STXBP5L: variants seen among roughly 807,000 people sequenced by gnomAD.
STXBP5L encodes syntaxin binding protein 5L.
In STXBP5L, 65 loss-of-function variants were observed where a neutral mutation model predicts 144.5. That is an observed-to-expected ratio of 0.45 (90% CI 0.37 to 0.55). The LOEUF (loss-of-function observed/expected upper bound fraction) is 0.55. STXBP5L is among the 20% of genes least tolerant of loss of function. The pLI is 0.00. For synonymous variants in STXBP5L, 505 were observed against 469.6 expected (o/e 1.08, Z -0.97); for missense variants, 1,298 against 1,405.5 (o/e 0.92, Z 1.22).
intron 19 of STXBP5L, among the ~76,000 whole-genome samples, chr3:121,290,594 G>T (rs1402303567): frequency 2.6e-5 from 4 of 151,926 alleles, no homozygotes; most frequent in African/African-American, 9.7e-5. Flanking sequence ...ACCAAGAAGG[G>T]ACATAACAAA....
At chr3:120,981,853 C>T (rs983657495) in intron 3 of STXBP5L, among the ~76,000 whole-genome samples, 5 of 152,120 alleles carry the variant, frequency 3.3e-5, no homozygotes, top group South Asian at 2.1e-4. Context: ...TGTTTTTCCT[C>T]CTTGAAGGTA....
intron 9 of STXBP5L, among the ~76,000 whole-genome samples, chr3:121,177,864 G>A (rs951114820): frequency 6.6e-6 from 1 of 152,182 alleles, no homozygotes; most frequent in African/African-American, 2.4e-5. Flanking sequence ...GCCAAAAGAA[G>A]CAAGCAACTG....
At chr3:121,315,471 T>C (rs1247759124) in intron 19 of STXBP5L, among the ~76,000 whole-genome samples, 3 of 115,254 alleles carry the variant, frequency 2.6e-5, no homozygotes, top group Non-Finnish European at 3.4e-5. Flanking sequence ...AACATCACAC[T>C]CTGGGGACTG....
intron 3 of STXBP5L, among the ~76,000 whole-genome samples, chr3:120,986,430 C>T (rs1323865740): frequency 6.6e-6 from 1 of 151,822 alleles, no homozygotes; most frequent in Non-Finnish European, 1.5e-5. Context: ...TATATTCTAT[C>T]TGGTTGTTTT....
chr3:121,065,563 T>A (rs543055171), intron 5 of STXBP5L, among the ~76,000 whole-genome samples: 1 of 152,212 alleles, frequency 6.6e-6, no homozygotes, highest in African/African-American at 2.4e-5. Flanking sequence ...TTAGTTGAGT[T>A]TACAAAAAGT....
At chr3:121,128,480 G>A (rs1448846952) in intron 7 of STXBP5L, among the ~76,000 whole-genome samples, 5 of 152,098 alleles carry the variant, frequency 3.3e-5, no homozygotes, top group Admixed American at 2.6e-4. Context: ...GCCCTAGAAA[G>A]GAAAATATTA....
At chr3:121,050,813 T>G in intron 5 of STXBP5L, among the ~76,000 whole-genome samples, 1 of 151,636 alleles carries the variant, frequency 6.6e-6, no homozygotes, top group East Asian at 1.9e-4. Context: ...AGTCAAGACC[T>G]ATCAGTGTGC....
chr3:121,280,879 C>A (rs964138928), intron 19 of STXBP5L, among the ~76,000 whole-genome samples: 4 of 151,148 alleles, frequency 2.6e-5, no homozygotes, highest in Admixed American at 6.6e-5. Context: ...AATTCAAGAC[C>A]AGTCTACGTA....
chr3:121,406,740 T>A (rs1001312476), intron 22 of STXBP5L, among the ~76,000 whole-genome samples: 4 of 151,946 alleles, frequency 2.6e-5, no homozygotes, highest in African/African-American at 9.7e-5. Flanking sequence ...TGAAGAAAAA[T>A]CAAGCATTTT....
At chr3:121,212,606 C>T (rs552396085) in intron 10 of STXBP5L, among the ~76,000 whole-genome samples, 19 of 147,882 alleles carry the variant, frequency 1.3e-4, no homozygotes, top group South Asian at 6.3e-4. Context: ...ATGCTGTTTT[C>T]GTTACTATAG....
intron 3 of STXBP5L, among the ~76,000 whole-genome samples, chr3:120,994,960 T>C (rs1006298925): frequency 6.6e-5 from 10 of 152,098 alleles, no homozygotes; most frequent in African/African-American, 2.4e-4. Flanking sequence ...TATCCATTAT[T>C]GGCTGTCCAG....
chr3:121,235,868 A>G (rs1470181374), intron 12 of STXBP5L, among the ~76,000 whole-genome samples: 1 of 151,178 alleles, frequency 6.6e-6, no homozygotes, highest in Non-Finnish European at 1.5e-5. Context: ...CACACACTAT[A>G]TTCTCTGGAG....
At chr3:121,236,277 A>T (rs1337632816) in intron 12 of STXBP5L, among the ~76,000 whole-genome samples, 1 of 152,208 alleles carries the variant, frequency 6.6e-6, no homozygotes, top group African/African-American at 2.4e-5. Context: ...CCTGCAAAAA[A>T]ATTTAAAAGT....
chr3:121,133,155 A>G (rs2045075332), intron 7 of STXBP5L, among the ~76,000 whole-genome samples: 1 of 152,148 alleles, frequency 6.6e-6, no homozygotes, highest in African/African-American at 2.4e-5. Context: ...GGATTGCTTG[A>G]GCCCAAGAGT....
At chr3:121,003,895 C>G (rs1251770412) in intron 3 of STXBP5L, among the ~76,000 whole-genome samples, 1 of 152,120 alleles carries the variant, frequency 6.6e-6, no homozygotes, top group Non-Finnish European at 1.5e-5. Context: ...GGGCTCTGTT[C>G]TGTTCCATTG....
intron 20 of STXBP5L, among the ~76,000 whole-genome samples, chr3:121,365,425 T>A (rs2045836520): frequency 6.6e-6 from 1 of 151,670 alleles, no homozygotes; most frequent in Admixed American, 6.6e-5. Context: ...TCAGAAGATT[T>A]TTTTTTGTTA....
At chr3:121,008,075 T>G (rs907187759) in intron 3 of STXBP5L, among the ~76,000 whole-genome samples, 1 of 151,996 alleles carries the variant, frequency 6.6e-6, no homozygotes, top group Non-Finnish European at 1.5e-5. Context: ...CTTCTGCTAT[T>G]TTAGGTTTCT....
chr3:121,332,955 C>T (rs1237677780), intron 20 of STXBP5L, among the ~76,000 whole-genome samples: 2 of 151,976 alleles, frequency 1.3e-5, no homozygotes, highest in Non-Finnish European at 2.9e-5. Flanking sequence ...CTATCATCAG[C>T]CAAGAATCTT....
At chr3:121,141,113 G>A (rs2045483424) in intron 7 of STXBP5L, among the ~76,000 whole-genome samples, 1 of 152,088 alleles carries the variant, frequency 6.6e-6, no homozygotes, top group African/African-American at 2.4e-5. Context: ...AGAAGGAAGT[G>A]TGAAACTTAG....
Sources: gnomAD v4.1 joint callset for allele counts (sites outside exome capture counted in the v4.1 genomes callset) on GRCh38, gnomAD v4.1.1 for gene constraint, MANE v1.5 for transcripts, NCBI Gene and HGNC (gene_info 2026-07-23, HGNC 2026-07-21) for gene names.